Variants in SLC12A6 observed in about 807,000 individuals in gnomAD.
SLC12A6 encodes K-Cl cotransporter 3.
SLC12A6 carries 66 observed loss-of-function variants against 135.3 expected under a neutral mutation model. That is an observed-to-expected ratio of 0.49 (90% CI 0.40 to 0.60). The LOEUF (loss-of-function observed/expected upper bound fraction) is 0.60, where lower values mean the gene tolerates loss of function less well. SLC12A6 is among the 20% of genes least tolerant of loss of function. The pLI is 0.00. For missense variants in SLC12A6, 1,058 were observed against 1,452.3 expected (o/e 0.73, Z 4.41); for synonymous variants, 513 against 508.8 (o/e 1.01, Z -0.11).
Position 34,254,538 on chromosome 15 carries a change from C to G in SLC12A6, c.928G>C (p.Glu310Gln), listed in dbSNP as rs1227135604. The stretch of plus-strand genomic sequence containing the variant: ...ATGTTATTTAGCATGGCTGCTGATT[C>G]CTTGAGTGCGTCATCACTGTGAAAG... ...AIFHSDDALK[E>Q]SAAMLNNMRV... The change falls in exon 9 of 26, where the codon GAA (glutamate) becomes CAA (glutamine). Residue 310 changes from glutamate (E) to glutamine (Q), a missense_variant. Coordinates refer to ENST00000354181, the MANE Select transcript of SLC12A6 (RefSeq NM_001365088.1). 1 of 1,610,690 alleles carries G rather than the reference C, an allele frequency of 6.2e-7. No homozygotes were observed. The highest frequency in any genetic ancestry group is 1.7e-5 in the Admixed American group (1 of 60,012).
chr15:34,240,171 T>A (rs1891547790), intron 19 of SLC12A6, among the ~76,000 whole-genome samples: 1 of 152,006 alleles, frequency 6.6e-6, no homozygotes, highest in Non-Finnish European at 1.5e-5. Context: ...ATTAGTTCTA[T>A]CATATATAAT....
chr15:34,320,089 G>A (rs2141123954), intron 2 of SLC12A6, among the ~76,000 whole-genome samples: 1 of 152,314 alleles, frequency 6.6e-6, no homozygotes, highest in South Asian at 2.1e-4. Flanking sequence ...TATTGATGAT[G>A]TAGTATAAGG....
rs1892621250 is a variant in SLC12A6, at chr15:34,254,598, T to TA, written c.877-10dup. On this transcript the variant is annotated splice_polypyrimidine_tract_variant and intron_variant, in intron 8 of 25. Coordinates refer to ENST00000354181, the MANE Select transcript of SLC12A6 (RefSeq NM_001365088.1). The stretch of plus-strand genomic sequence containing the variant: ...CGGGGGACGATATAGACCTGTTAGG[T>TA]AAAAATAAAGGAGAAAATTAGGTTA... 2 of 1,595,138 alleles carry TA rather than the reference T, an allele frequency of 1.3e-6. No individual in the cohort carries two copies. The highest frequency in any genetic ancestry group is 8.6e-7 in the Non-Finnish European group (1 of 1,162,790).
At chr15:34,336,357 T>G in intron 2 of SLC12A6, 53 bp downstream of exon 2, 1 of 1,398,462 alleles carries the variant, frequency 7.2e-7, no homozygotes, top group Non-Finnish European at 1.0e-6. Flanking sequence ...GATGGTCATC[T>G]TGGATAAAGA....
Position 34,326,347 on chromosome 15 carries a change from C to T in SLC12A6, c.271+10063G>A, listed in dbSNP as rs567328821. On this transcript the variant is annotated intron_variant, in intron 2 of 25. Coordinates refer to ENST00000354181, the MANE Select transcript of SLC12A6 (RefSeq NM_001365088.1). ...TATGAAATGCTTGCTAGATTAAAAACGGGCTCCTAGTCAACACAAAAAAAG... is the reference window on the plus strand; with the variant it reads ...TATGAAATGCTTGCTAGATTAAAAATGGGCTCCTAGTCAACACAAAAAAAG... 3.1e-4 allele frequency among the ~76,000 whole-genome samples: 47 copies of T among 152,234 alleles called. 1 individual carries two copies. Among genetic ancestry groups the T allele is most frequent in the Non-Finnish European group, 5.9e-4 (40 of 68,016 alleles).
chr15:34,270,686 C>G (rs909845652), intron 3 of SLC12A6, among the ~76,000 whole-genome samples: 3 of 151,810 alleles, frequency 2.0e-5, no homozygotes, highest in African/African-American at 7.3e-5. Context: ...CCCTGTAATC[C>G]CAGCCACTTG....
intron 21 of SLC12A6, among the ~76,000 whole-genome samples, 165 bp downstream of exon 21, chr15:34,238,067 G>T (rs543461076): frequency 6.6e-6 from 1 of 152,246 alleles, no homozygotes; most frequent in Admixed American, 6.5e-5. Flanking sequence ...CAAAGACAAT[G>T]ATTTCTCTTG....
intron 25 of SLC12A6, among the ~76,000 whole-genome samples, chr15:34,234,319 A>C (rs1157466534): frequency 6.6e-6 from 1 of 152,212 alleles, no homozygotes; most frequent in African/African-American, 2.4e-5. Context: ...GAAGCTGCTC[A>C]AGTCAGATTT....
chr15:34,300,529 G>A (rs1396000357), intron 2 of SLC12A6, among the ~76,000 whole-genome samples: 1 of 152,104 alleles, frequency 6.6e-6, no homozygotes, highest in African/African-American at 2.4e-5. Flanking sequence ...AGGCACAGTG[G>A]CTCATGTCTG....
At chr15:34,245,435 A>G (rs767438800) in intron 14 of SLC12A6, 32 bp from the exon 15 acceptor site, 2 of 1,216,338 alleles carry the variant, frequency 1.6e-6, no homozygotes, top group South Asian at 1.2e-5. Context: ...CAGGCACAGG[A>G]GTACTGAGTC....
At chr15:34,326,483 G>T (rs1049137424) in intron 2 of SLC12A6, among the ~76,000 whole-genome samples, 2 of 152,164 alleles carry the variant, frequency 1.3e-5, no homozygotes, top group South Asian at 2.1e-4. Context: ...AAATTTTTTA[G>T]ATCTATTGAG....
chr15:34,281,044 T>C (rs777601011), intron 2 of SLC12A6, among the ~76,000 whole-genome samples: 1 of 151,844 alleles, frequency 6.6e-6, no homozygotes, highest in Non-Finnish European at 1.5e-5. Context: ...AGGGCATGGG[T>C]ATGGGCGGAG....
At chr15:34,321,162 C>T (rs1889063086) in intron 2 of SLC12A6, among the ~76,000 whole-genome samples, 1 of 152,168 alleles carries the variant, frequency 6.6e-6, no homozygotes, top group Non-Finnish European at 1.5e-5. Flanking sequence ...AGGTAGGCAA[C>T]ATAGAGTATG....
chr15:34,273,874 T>C (rs1382583155), intron 3 of SLC12A6, among the ~76,000 whole-genome samples: 1 of 151,924 alleles, frequency 6.6e-6, no homozygotes, highest in Non-Finnish European at 1.5e-5. Flanking sequence ...TTAAGATTAA[T>C]AATACCTGTT....
chr15:34,262,610 TGCC>T (rs1893225421), intron 3 of SLC12A6, among the ~76,000 whole-genome samples: 1 of 152,198 alleles, frequency 6.6e-6, no homozygotes, highest in Non-Finnish European at 1.5e-5. Context: ...GCTGTTAACA[TGCC>T]GCCATCCATG....
Position 34,245,816 on chromosome 15 carries a change from T to C in SLC12A6, c.1701A>G (p.Pro567=). 1 of 1,613,704 alleles carries C rather than the reference T, an allele frequency of 6.2e-7. No homozygotes were observed. Among genetic ancestry groups the C allele is most frequent in the Non-Finnish European group, 8.5e-7 (1 of 1,179,616 alleles). Residue 567 remains proline, a synonymous_variant, in exon 14 of 26, where the codon CCA becomes CCG. Transcript: ENST00000354181. ...GNLVVGTLSW[P]SPWVIVIGSF... is the part of the protein sequence containing the mutation. ...AGCCAATAACAATCACCCATGGGGA[T>C]GGCCAAGATAAGGTGCCTACCACCA...
intron 13 of SLC12A6, among the ~76,000 whole-genome samples, 161 bp from the exon 14 acceptor site, chr15:34,246,028 G>C (rs1336772971): frequency 6.6e-6 from 1 of 152,114 alleles, no homozygotes; most frequent in African/African-American, 2.4e-5. Flanking sequence ...CGCCCCCCAA[G>C]TTCAAGCAAT....
chr15:34,259,128 C>A (rs1374965966), intron 4 of SLC12A6, among the ~76,000 whole-genome samples, 184 bp from the exon 5 acceptor site: 1 of 152,100 alleles, frequency 6.6e-6, no homozygotes, highest in Non-Finnish European at 1.5e-5. Context: ...TCACCTGAGG[C>A]TGGGAGTTTG....
chr15:34,270,819 CAAAACAA>C (rs529961153), intron 3 of SLC12A6, among the ~76,000 whole-genome samples: 1,736 of 130,510 alleles, frequency 0.013, 14 homozygotes, highest in Middle Eastern at 0.041. Context: ...CAAAACAAAA[CAAAACAA>C]AAAACAAAAA....
Sources: gnomAD v4.1 joint callset for allele counts (sites outside exome capture counted in the v4.1 genomes callset) on GRCh38, gnomAD v4.1.1 for gene constraint, MANE v1.5 for transcripts, NCBI Gene and HGNC (gene_info 2026-07-23, HGNC 2026-07-21) for gene names.